The following SLC35F3 variants were observed in gnomAD, a reference collection of about 807,000 sequenced individuals.
SLC35F3 encodes putative thiamine transporter SLC35F3.
SLC35F3 carries 25 observed loss-of-function variants against 49.9 expected under a neutral mutation model. The ratio of observed to expected loss-of-function variants is 0.50; its 90% CI spans 0.37 to 0.70. The LOEUF (loss-of-function observed/expected upper bound fraction) is 0.70. Among genes scored for constraint, SLC35F3 ranks in the 30% least tolerant of loss-of-function variants. The pLI is 0.00. For synonymous variants in SLC35F3, 275 were observed against 265.4 expected (o/e 1.04, Z -0.35); for missense variants, 525 against 639.8 (o/e 0.82, Z 1.94).
rs781051689 is a variant in SLC35F3 at position 233,905,701 on chromosome 1, C to G, written c.226C>G (p.Arg76Gly). The stretch of plus-strand genomic sequence containing the variant: ...GGTGGGGCTCACGTCCATCGAGGAG[C>G]GGATCCTGCGCATCACTGGCTACTA... The part of the protein sequence containing the change: ...GPVGLTSIEE[R>G]ILRITGYYGY... Residue 76 changes from arginine (R) to glycine (G), a missense_variant, in exon 2 of 8, where the codon CGG (arginine) becomes GGG (glycine). Transcript: ENST00000366618. 6.2e-7 allele frequency: 1 copy of G among 1,614,186 alleles called. No individual in the cohort carries two copies. Among genetic ancestry groups the G allele is most frequent in the South Asian group, 1.1e-5 (1 of 91,086 alleles).
At chr1:234,090,939 G>A (rs553277636) in intron 2 of SLC35F3, among the ~76,000 whole-genome samples, 2 of 152,284 alleles carry the variant, frequency 1.3e-5, no homozygotes, top group East Asian at 1.9e-4. Flanking sequence ...TTAGCCCTCC[G>A]TTTCAACACG....
chr1:234,160,900 T>A (rs1666218140), intron 2 of SLC35F3, among the ~76,000 whole-genome samples: 1 of 152,228 alleles, frequency 6.6e-6, no homozygotes, highest in African/African-American at 2.4e-5. Context: ...TCTCTTTGTG[T>A]GGATCAACAT....
At position 234,127,984 on chromosome 1, in the gene SLC35F3, C is replaced by T. The variant is rs189523264; in HGVS notation, c.284-103433C>T. The stretch of plus-strand genomic sequence containing the variant: ...TTGCTCCCTCCAGAGGACAAGGACA[C>T]ACGCTGAGGACCTGACATTGGGTTG... On this transcript the variant is annotated intron_variant, in intron 2 of 7. Coordinates refer to ENST00000366618, the MANE Select transcript of SLC35F3 (RefSeq NM_173508.4). 2.6e-5 allele frequency among the ~76,000 whole-genome samples: 4 copies of T among 152,276 alleles called. No homozygotes were observed. The East Asian group carries it at 5.8e-4, about 22-fold the overall frequency.
chr1:234,120,848 G>T (rs1271530544), intron 2 of SLC35F3, among the ~76,000 whole-genome samples: 3 of 152,140 alleles, frequency 2.0e-5, no homozygotes, highest in African/African-American at 4.8e-5. Context: ...ACAATCGAGG[G>T]ATCTTTTAAG....
intron 2 of SLC35F3, among the ~76,000 whole-genome samples, chr1:233,944,410 G>A (rs756964155): frequency 6.6e-6 from 1 of 152,146 alleles, no homozygotes; most frequent in African/African-American, 2.4e-5. Flanking sequence ...AAGTTTTGAT[G>A]TGTAGTGCTT....
At chr1:233,956,096 C>G (rs1662696430) in intron 2 of SLC35F3, among the ~76,000 whole-genome samples, 1 of 151,904 alleles carries the variant, frequency 6.6e-6, no homozygotes, top group African/African-American at 2.4e-5. Flanking sequence ...CCATGTTGGC[C>G]AGGCTAGTCT....
intron 2 of SLC35F3, among the ~76,000 whole-genome samples, chr1:234,076,501 G>A (rs979062500): frequency 2.3e-4 from 34 of 149,626 alleles, no homozygotes; most frequent in African/African-American, 6.4e-4. Flanking sequence ...TCACTCTGTC[G>A]CCCAGGCTGG....
chr1:234,092,778 G>A (rs1326766052), intron 2 of SLC35F3, among the ~76,000 whole-genome samples: 2 of 152,178 alleles, frequency 1.3e-5, no homozygotes, highest in East Asian at 3.9e-4. Flanking sequence ...TGAGGCAGGA[G>A]CATCACTTGA....
In SLC35F3 at chr1:234,034,910, G is replaced by T. The variant is rs1270750827; in HGVS notation, c.283+129152G>T. On this transcript the variant is annotated intron_variant, in intron 2 of 7. Coordinates refer to ENST00000366618, the MANE Select transcript of SLC35F3 (RefSeq NM_173508.4). ...AATTATTGTGTTTTTTGTTTGCTTG[G>T]TTTTCTATGACCCTATCATAAATTC... Among the ~76,000 whole-genome samples the T allele has an allele frequency of 1.9e-4, 29 of 152,016 alleles. 1 individual carries two copies. The highest frequency in any genetic ancestry group is 1.9e-3 in the Admixed American group (29 of 15,270).
chr1:233,941,513 G>A lies in SLC35F3; in HGVS notation c.283+35755G>A, dbSNP rs150134068. 3.4e-3 allele frequency among the ~76,000 whole-genome samples: 519 copies of A among 152,296 alleles called. 3 individuals are homozygous for A. The highest frequency in any genetic ancestry group is 0.011 in the African/African-American group (459 of 41,570). Reference sequence around the variant, plus strand: ...TTGCTGTGCACTATGGTACCTGGGCGTCTAAAACAGTGGCTGATACACAGT... The same window carrying A: ...TTGCTGTGCACTATGGTACCTGGGCATCTAAAACAGTGGCTGATACACAGT... On this transcript the variant is annotated intron_variant, in intron 2 of 7. Coordinates refer to ENST00000366618, the MANE Select transcript of SLC35F3 (RefSeq NM_173508.4).
chr1:234,125,950 C>T (rs1034294023), intron 2 of SLC35F3, among the ~76,000 whole-genome samples: 3 of 152,286 alleles, frequency 2.0e-5, no homozygotes, highest in East Asian at 1.9e-4. Flanking sequence ...TCTGTGCTTC[C>T]GCGCACTAGC....
intron 3 of SLC35F3, among the ~76,000 whole-genome samples, chr1:234,284,303 TAGG>T (rs1386070638): frequency 6.6e-6 from 1 of 152,182 alleles, no homozygotes; most frequent in Non-Finnish European, 1.5e-5. Context: ...ATCTCACAGC[TAGG>T]AGGTGATAAG....
chr1:234,145,699 T>A (rs945115857), intron 2 of SLC35F3, among the ~76,000 whole-genome samples: 2 of 152,196 alleles, frequency 1.3e-5, no homozygotes, highest in Non-Finnish European at 2.9e-5. Context: ...AGAGATTATT[T>A]ACAGTATACA....
Position 233,905,625 on chromosome 1 carries a change from T to G in SLC35F3, c.150T>G (p.Ile50Met), listed in dbSNP as rs1231350636. 1.2e-6 allele frequency: 2 copies of G among 1,614,102 alleles called. No homozygotes were observed. The highest frequency in any genetic ancestry group is 1.7e-6 in the Non-Finnish European group (2 of 1,180,012). The part of the protein sequence containing the change: ...QLKYLVVDEA[I>M]KEDLKWSRSV... ...AGTACTTGGTGGTGGACGAGGCGAT[T>G]AAGGAGGATCTGAAATGGTCGCGCT... is the stretch of plus-strand genomic sequence containing the variant. The change falls in exon 2 of 8, where the codon ATT (isoleucine) becomes ATG (methionine). Residue 50 changes from isoleucine (I) to methionine (M), a missense_variant. Transcript: ENST00000366618.
At chr1:234,246,011 G>T (rs1208960522) in intron 3 of SLC35F3, among the ~76,000 whole-genome samples, 6 of 152,192 alleles carry the variant, frequency 3.9e-5, no homozygotes, top group Admixed American at 3.9e-4. Context: ...TGACTGGAGG[G>T]TGGCAAGATC....
At chr1:234,096,785 T>C (rs1031102029) in intron 2 of SLC35F3, among the ~76,000 whole-genome samples, 1 of 152,108 alleles carries the variant, frequency 6.6e-6, no homozygotes, top group Non-Finnish European at 1.5e-5. Flanking sequence ...GCTATTTCAA[T>C]GACCTAATAT....
intron 3 of SLC35F3, among the ~76,000 whole-genome samples, chr1:234,262,344 A>G (rs1281496893): frequency 6.6e-6 from 1 of 152,208 alleles, no homozygotes; most frequent in Non-Finnish European, 1.5e-5. Context: ...CCTGTGAGAT[A>G]GGGTTAATAG....
chr1:233,913,861 T>A (rs187478767), intron 2 of SLC35F3, among the ~76,000 whole-genome samples: 2 of 152,324 alleles, frequency 1.3e-5, no homozygotes, highest in Admixed American at 6.5e-5. Context: ...ATTGGGGTGT[T>A]CTGTCCAGTT....
chr1:233,912,494 GAAACAAAC>G (rs959875978), intron 2 of SLC35F3, among the ~76,000 whole-genome samples: 1 of 120,602 alleles, frequency 8.3e-6, no homozygotes, highest in Admixed American at 8.2e-5. Flanking sequence ...AACAAACAAA[GAAACAAAC>G]AAACAAAAAA....
Sources: gnomAD v4.1 joint callset for allele counts (sites outside exome capture counted in the v4.1 genomes callset) on GRCh38, gnomAD v4.1.1 for gene constraint, MANE v1.5 for transcripts, NCBI Gene and HGNC (gene_info 2026-07-23, HGNC 2026-07-21) for gene names.